The following FHIT variants were observed in gnomAD, a reference collection of about 807,000 sequenced individuals.
FHIT encodes the protein bis(5'-adenosyl)-triphosphatase.
In FHIT, 19 loss-of-function variants were observed where a neutral mutation model predicts 17.9. The observed-to-expected ratio is 1.06, with a 90% CI of 0.74 to 1.56. The LOEUF (loss-of-function observed/expected upper bound fraction) is 1.56. FHIT is among the 40% of genes most tolerant of loss of function. FHIT has a pLI of 0.00. For missense variants in FHIT, 248 were observed against 189.2 expected (o/e 1.31, Z -1.82); for synonymous variants, 81 against 69.7 (o/e 1.16, Z -0.81).
chr3:60,373,458 C>T (rs1245383242), intron 5 of FHIT, among the ~76,000 whole-genome samples: 1 of 152,090 alleles, frequency 6.6e-6, no homozygotes, highest in Non-Finnish European at 1.5e-5. Context: ...TGAGACTAGG[C>T]AGAGAATAAG....
chr3:60,325,137 G>T (rs1165928809), intron 5 of FHIT, among the ~76,000 whole-genome samples: 2 of 151,998 alleles, frequency 1.3e-5, no homozygotes, highest in Non-Finnish European at 2.9e-5. Context: ...ATTCATATAT[G>T]TTTTTAATAG....
chr3:59,954,221 G>GTTTTTTTTTTTTTTTTT, intron 7 of FHIT, among the ~76,000 whole-genome samples: 1 of 120,958 alleles, frequency 8.3e-6, no homozygotes, highest in African/African-American at 3.1e-5. Context: ...ATTTTGTTCT[G>GTTTTTTTTTTTTTTTTT]TTTTTTTTTC....
intron 4 of FHIT, among the ~76,000 whole-genome samples, chr3:60,582,712 C>A (rs993857708): frequency 2.0e-5 from 3 of 152,038 alleles, no homozygotes. Flanking sequence ...AAAGCTTAAC[C>A]CAAAAGATAA....
chr3:60,331,092 C>T (rs561997180), intron 5 of FHIT, among the ~76,000 whole-genome samples: 2 of 152,252 alleles, frequency 1.3e-5, no homozygotes, highest in South Asian at 2.1e-4. Context: ...ATCTTAAGTC[C>T]AACTCACCTA....
intron 5 of FHIT, among the ~76,000 whole-genome samples, chr3:60,111,165 C>T (rs1704653525): frequency 6.6e-6 from 1 of 152,130 alleles, no homozygotes; most frequent in Non-Finnish European, 1.5e-5. Context: ...TAAAGAATGT[C>T]ACCGCATATT....
chr3:60,924,293 C>G (rs1419790095), intron 3 of FHIT, among the ~76,000 whole-genome samples: 1 of 152,202 alleles, frequency 6.6e-6, no homozygotes, highest in African/African-American at 2.4e-5. Context: ...AGTAGCCTAA[C>G]TGGCAGGCAC....
At chr3:60,231,022 A>G (rs1278788213) in intron 5 of FHIT, among the ~76,000 whole-genome samples, 1 of 152,186 alleles carries the variant, frequency 6.6e-6, no homozygotes, top group African/African-American at 2.4e-5. Context: ...TATTTCAATA[A>G]CCATTCTAAT....
chr3:61,187,155 C>T (rs2038540635), intron 2 of FHIT, among the ~76,000 whole-genome samples: 1 of 152,148 alleles, frequency 6.6e-6, no homozygotes, highest in Admixed American at 6.6e-5. Context: ...TATTCATTCA[C>T]TCAATATACA....
chr3:60,080,181 C>T (rs1703215650), intron 5 of FHIT, among the ~76,000 whole-genome samples: 1 of 152,058 alleles, frequency 6.6e-6, no homozygotes, highest in East Asian at 1.9e-4. Flanking sequence ...TGATAGAGTA[C>T]CTATCTGTTA....
intron 5 of FHIT, among the ~76,000 whole-genome samples, chr3:60,486,643 C>T (rs537118197): frequency 1.3e-5 from 2 of 152,230 alleles, no homozygotes; most frequent in South Asian, 4.1e-4. Flanking sequence ...AGGTAATATT[C>T]CAGATGCTAG....
At chr3:60,991,981 C>G (rs1448231049) in intron 3 of FHIT, among the ~76,000 whole-genome samples, 1 of 152,042 alleles carries the variant, frequency 6.6e-6, no homozygotes, top group Non-Finnish European at 1.5e-5. Flanking sequence ...CTTTAATGTC[C>G]TGAAGACATT....
chr3:60,299,250 T>G (rs970717442), intron 5 of FHIT, among the ~76,000 whole-genome samples: 10 of 152,156 alleles, frequency 6.6e-5, no homozygotes, highest in Non-Finnish European at 1.3e-4. Context: ...AAATAAACCC[T>G]ACTTGATCAT....
chr3:60,243,358 A>G (rs1312527291), intron 5 of FHIT, among the ~76,000 whole-genome samples: 2 of 152,154 alleles, frequency 1.3e-5, no homozygotes, highest in East Asian at 3.8e-4. Flanking sequence ...AGAAACAAAT[A>G]ACATCAACAA....
chr3:60,588,716 A>G (rs566431344), intron 4 of FHIT, among the ~76,000 whole-genome samples: 3 of 152,076 alleles, frequency 2.0e-5, no homozygotes, highest in East Asian at 3.9e-4. Flanking sequence ...TAGCATGATC[A>G]TGGCTCACTA....
intron 4 of FHIT, among the ~76,000 whole-genome samples, chr3:60,744,974 G>A (rs1553714979): frequency 6.6e-6 from 1 of 152,110 alleles, no homozygotes; most frequent in African/African-American, 2.4e-5. Context: ...GGGGCTGGGT[G>A]CAGTGGCTCA....
intron 2 of FHIT, among the ~76,000 whole-genome samples, chr3:61,047,421 C>A (rs544803261): frequency 1.2e-3 from 175 of 152,134 alleles, no homozygotes; most frequent in Admixed American, 2.3e-3. Flanking sequence ...ATGCAACTTA[C>A]AAAAGATGTG....
At position 60,755,698 on chromosome 3, in the gene FHIT, T is replaced by C. The variant is rs377447199; in HGVS notation, c.-18+66221A>G. Among the ~76,000 whole-genome samples the C allele has an allele frequency of 3.5e-4, 54 of 152,328 alleles. No homozygotes were observed. The South Asian group carries it at 8.9e-3, about 25-fold the overall frequency. Reference sequence around the variant, plus strand: ...TTAATTATCTTTAATTTAGCTTATTTAAAGTTTCAAATAACATGTAAAGAG... The same window carrying C: ...TTAATTATCTTTAATTTAGCTTATTCAAAGTTTCAAATAACATGTAAAGAG... On this transcript the variant is annotated intron_variant, in intron 4 of 9. Coordinates refer to ENST00000492590, the MANE Select transcript of FHIT (RefSeq NM_002012.4).
In FHIT at chr3:60,354,226, T is replaced by C. The variant is rs180849015; in HGVS notation, c.103+182634A>G. 3.4e-3 allele frequency among the ~76,000 whole-genome samples: 524 copies of C among 152,274 alleles called. 3 individuals are homozygous for C. The highest frequency in any genetic ancestry group is 6.8e-3 in the Middle Eastern group (2 of 294). On this transcript the variant is annotated intron_variant, in intron 5 of 9. Coordinates refer to ENST00000492590, the MANE Select transcript of FHIT (RefSeq NM_002012.4). ...TATTTTTAAAGCATACATAAACTCA[T>C]AGTAAAAAAGTATGCACATTAATAG...
intron 3 of FHIT, among the ~76,000 whole-genome samples, chr3:60,919,083 A>C (rs576789585): frequency 6.6e-6 from 1 of 152,306 alleles, no homozygotes; most frequent in South Asian, 2.1e-4. Flanking sequence ...CTTTAAAGTA[A>C]GCAAAGGGGG....
Sources: gnomAD v4.1 joint callset for allele counts (sites outside exome capture counted in the v4.1 genomes callset) on GRCh38, gnomAD v4.1.1 for gene constraint, MANE v1.5 for transcripts, NCBI Gene and HGNC (gene_info 2026-07-23, HGNC 2026-07-21) for gene names.